Variants in TMEM117 observed in about 807,000 individuals in gnomAD.
The protein encoded by TMEM117 is transmembrane protein 117.
Under a neutral mutation model 52.4 loss-of-function variants are expected in TMEM117, and 27 were observed. The observed-to-expected ratio is 0.51, with a 90% CI of 0.38 to 0.71. The LOEUF is 0.71. TMEM117 is among the 30% of genes least tolerant of loss of function. TMEM117 has a pLI of 0.00. For synonymous variants in TMEM117, 215 were observed against 206.3 expected (o/e 1.04, Z -0.36); for missense variants, 556 against 630.5 (o/e 0.88, Z 1.26).
At chr12:44,175,745 G>A (rs183593195) in intron 4 of TMEM117, among the ~76,000 whole-genome samples, 1 of 152,280 alleles carries the variant, frequency 6.6e-6, no homozygotes, top group Non-Finnish European at 1.5e-5. Context: ...TGGAGGAGGG[G>A]CAGCAGATAA....
chr12:44,204,839 T>C (rs1162486666), intron 4 of TMEM117, among the ~76,000 whole-genome samples: 1 of 152,152 alleles, frequency 6.6e-6, no homozygotes, highest in Non-Finnish European at 1.5e-5. Context: ...CTGGGATAAC[T>C]GGCTAGCCAT....
At chr12:43,833,919 C>G (rs1202772856), upstream of TMEM117, among the ~76,000 whole-genome samples, 2 of 151,966 alleles carry the variant, frequency 1.3e-5, no homozygotes, top group Non-Finnish European at 2.9e-5. Flanking sequence ...GTGGCAAAAC[C>G]CTGTCTCTAC....
At chr12:43,957,529 A>C (rs574723472) in intron 3 of TMEM117, among the ~76,000 whole-genome samples, 186 of 152,320 alleles carry the variant, frequency 1.2e-3, no homozygotes, top group Admixed American at 2.4e-3. Context: ...ATTAAAAATT[A>C]TTCCAAATAC....
At chr12:44,185,386 C>T (rs1323071648) in intron 4 of TMEM117, among the ~76,000 whole-genome samples, 1 of 152,022 alleles carries the variant, frequency 6.6e-6, no homozygotes, top group Non-Finnish European at 1.5e-5. Context: ...ATAAAAATTC[C>T]CAATTTCAAA....
intron 6 of TMEM117, among the ~76,000 whole-genome samples, chr12:44,350,914 ATTC>A (rs963752498): frequency 2.0e-5 from 3 of 151,946 alleles, no homozygotes; most frequent in African/African-American, 7.2e-5. Context: ...TGTTAGCTCT[ATTC>A]TTAGATTTTG....
At chr12:44,088,487 A>C (rs2138035546) in intron 3 of TMEM117, among the ~76,000 whole-genome samples, 1 of 152,328 alleles carries the variant, frequency 6.6e-6, no homozygotes, top group Admixed American at 6.5e-5. Flanking sequence ...TTCCTCTTAA[A>C]AAATTTCCAT....
At chr12:44,186,632 T>A (rs566519008) in intron 4 of TMEM117, among the ~76,000 whole-genome samples, 22 of 152,290 alleles carry the variant, frequency 1.4e-4, no homozygotes, top group Non-Finnish European at 2.2e-4. Flanking sequence ...TAGTCATAAC[T>A]CTGCTCAGTT....
the TMEM117 span, among the ~76,000 whole-genome samples, chr12:43,804,992 G>A: frequency 6.6e-6 from 1 of 152,030 alleles, no homozygotes; most frequent in African/African-American, 2.4e-5. Context: ...GTATTTTCCC[G>A]TTAAAAACAA....
At chr12:44,203,093 C>T (rs1276949802) in intron 4 of TMEM117, among the ~76,000 whole-genome samples, 2 of 138,704 alleles carry the variant, frequency 1.4e-5, no homozygotes, top group Admixed American at 7.0e-5. Flanking sequence ...CCACACATGG[C>T]CTTTGTTGTT....
chr12:43,959,239 G>A (rs1179336294), intron 3 of TMEM117, among the ~76,000 whole-genome samples: 2 of 152,214 alleles, frequency 1.3e-5, no homozygotes, highest in African/African-American at 2.4e-5. Flanking sequence ...TAAAGTCCAT[G>A]CACCAAGCTG....
At chr12:44,310,809 C>T (rs944587137) in intron 6 of TMEM117, among the ~76,000 whole-genome samples, 1 of 152,058 alleles carries the variant, frequency 6.6e-6, no homozygotes, top group Non-Finnish European at 1.5e-5. Flanking sequence ...ATTAGAAGCA[C>T]CTGGGTTCTG....
chr12:43,995,293 A>G (rs1389313153), intron 3 of TMEM117, among the ~76,000 whole-genome samples: 2 of 152,072 alleles, frequency 1.3e-5, no homozygotes, highest in East Asian at 3.9e-4. Flanking sequence ...GATTTGCTGA[A>G]GACCGCAGAG....
rs978426886 is a variant in TMEM117 at position 44,014,162 on chromosome 12, C to T, written c.410+69820C>T. On this transcript the variant is annotated intron_variant, in intron 3 of 7. Coordinates refer to ENST00000266534, the MANE Select transcript of TMEM117 (RefSeq NM_032256.3). ...ACAGCACAAAAGCAATAGAGCTGAA[C>T]TGGCTCTAGGTAGATAGGCCATTGC... 5.2e-4 allele frequency among the ~76,000 whole-genome samples: 79 copies of T among 152,168 alleles called. 2 individuals carry two copies. Among genetic ancestry groups the T allele is most frequent in the Non-Finnish European group, 1.5e-5 (1 of 68,040 alleles).
chr12:43,811,883 T>C, the TMEM117 span, among the ~76,000 whole-genome samples: 1 of 152,244 alleles, frequency 6.6e-6, no homozygotes, highest in African/African-American at 2.4e-5. Context: ...CAGCTAAATA[T>C]GCCTTGGTTA....
At chr12:43,923,690 GAT>G (rs1221134741) in intron 2 of TMEM117, among the ~76,000 whole-genome samples, 1 of 152,096 alleles carries the variant, frequency 6.6e-6, no homozygotes, top group African/African-American at 2.4e-5. Flanking sequence ...AAATATATAA[GAT>G]AATTTTCTGT....
intron 3 of TMEM117, among the ~76,000 whole-genome samples, chr12:44,106,026 A>G (rs1489749891): frequency 6.6e-6 from 1 of 152,024 alleles, no homozygotes; most frequent in African/African-American, 2.4e-5. Flanking sequence ...CTAGCAATTT[A>G]TCAATTACAG....
At chr12:44,095,553 A>G (rs1947743914) in intron 3 of TMEM117, among the ~76,000 whole-genome samples, 1 of 152,078 alleles carries the variant, frequency 6.6e-6, no homozygotes, top group Non-Finnish European at 1.5e-5. Flanking sequence ...ATTAGTACAG[A>G]AGTGAGAAGA....
At chr12:44,125,398 C>T (rs568650774) in intron 3 of TMEM117, among the ~76,000 whole-genome samples, 5 of 152,148 alleles carry the variant, frequency 3.3e-5, no homozygotes, top group South Asian at 2.1e-4. Context: ...TGAGCCACTG[C>T]GCCCGGCCTG....
Position 43,926,659 on chromosome 12 carries a change from G to T in TMEM117, c.278-17551G>T, listed in dbSNP as rs11182335. Among the ~76,000 whole-genome samples, 168 of 152,212 alleles carry T rather than the reference G, an allele frequency of 1.1e-3. 2 individuals carry two copies. In the East Asian group the frequency reaches 0.028, roughly 25 times the overall value. ...GTGTTCTCTTTACCGAAAGGTGCTT[G>T]CACTACTGAACAGAATATTTTTTAG... On this transcript the variant is annotated intron_variant, in intron 2 of 7. Coordinates refer to ENST00000266534, the MANE Select transcript of TMEM117 (RefSeq NM_032256.3).
Sources: gnomAD v4.1 joint callset for allele counts (sites outside exome capture counted in the v4.1 genomes callset) on GRCh38, gnomAD v4.1.1 for gene constraint, MANE v1.5 for transcripts, NCBI Gene and HGNC (gene_info 2026-07-23, HGNC 2026-07-21) for gene names.